SF3B6: variants seen among roughly 807,000 people sequenced by gnomAD.
SF3B6 encodes splicing factor 3b subunit 6, also known as SF3b 14 kDa subunit.
In SF3B6, 3 loss-of-function variants were observed where a neutral mutation model predicts 15.9. The ratio of observed to expected loss-of-function variants is 0.19; its 90% CI spans 0.09 to 0.49. SF3B6 has a LOEUF of 0.49. SF3B6 is among the 20% of genes least tolerant of loss of function. SF3B6 has a pLI of 0.97. For missense variants in SF3B6, 71 were observed against 154.3 expected, an observed-to-expected ratio of 0.46 and a Z score of 2.86; for synonymous variants, 49 against 51.1, an observed-to-expected ratio of 0.96 and a Z score of 0.18.
intron 2 of SF3B6, among the ~76,000 whole-genome samples, chr2:24,069,241 T>C (rs1242705930): frequency 6.6e-6 from 1 of 152,210 alleles, no homozygotes; most frequent in Non-Finnish European, 1.5e-5. Flanking sequence ...GGAGTGGAAG[T>C]GTGCTTGTGG....
At chr2:24,071,559 C>T (rs1664651780) in intron 2 of SF3B6, among the ~76,000 whole-genome samples, 2 of 152,102 alleles carry the variant, frequency 1.3e-5, no homozygotes, top group South Asian at 4.2e-4. Context: ...GAGCCGAGAT[C>T]GTGCCATTGC....
At chr2:24,070,033 A>G (rs1487642145) in intron 2 of SF3B6, among the ~76,000 whole-genome samples, 1 of 152,170 alleles carries the variant, frequency 6.6e-6, no homozygotes, top group Non-Finnish European at 1.5e-5. Context: ...AGGAAGCTCA[A>G]AACAAAACTA....
intron 2 of SF3B6, among the ~76,000 whole-genome samples, chr2:24,071,641 TG>T (rs1664652778): frequency 6.6e-6 from 1 of 152,136 alleles, no homozygotes; most frequent in Admixed American, 6.5e-5. Context: ...AGTAGAAAGC[TG>T]TAACAGATAG....
At position 24,074,136 on chromosome 2, in the gene SF3B6, A is replaced by T; in HGVS notation, c.89T>A (p.Ile30Asn). The T allele has an allele frequency of 6.2e-7, 1 of 1,610,832 alleles. No homozygotes were observed. Among genetic ancestry groups the T allele is most frequent in the African/African-American group, 1.3e-5 (1 of 74,946 alleles). ...TATATCATACATTTCTTCAGCTGTG[A>T]TTTTGTATGGCAAATTTCTTATATA... ...ILYIRNLPYK[I>N]TAEEMYDIFG... Residue 30 changes from isoleucine to asparagine, a missense_variant, in exon 2 of 4, where the codon ATC (isoleucine) becomes AAC (asparagine). Coordinates refer to ENST00000233468, the MANE Select transcript of SF3B6 (RefSeq NM_016047.4).
At chr2:24,072,769 A>G (rs1433331985) in intron 2 of SF3B6, among the ~76,000 whole-genome samples, 2 of 152,230 alleles carry the variant, frequency 1.3e-5, no homozygotes, top group African/African-American at 4.8e-5. Flanking sequence ...AGAGAAAACC[A>G]AAAAAGCTAG....
Sources: gnomAD v4.1 joint callset for allele counts (sites outside exome capture counted in the v4.1 genomes callset) on GRCh38, gnomAD v4.1.1 for gene constraint, MANE v1.5 for transcripts, NCBI Gene and HGNC (gene_info 2026-07-23, HGNC 2026-07-21) for gene names.